The following GMEB1 variants were observed in gnomAD, a reference collection of about 807,000 sequenced individuals.
GMEB1 encodes glucocorticoid modulatory element binding protein 1.
A neutral mutation model predicts 52.4 loss-of-function variants in GMEB1; 6 were observed. The ratio of observed to expected loss-of-function variants is 0.11; its 90% CI spans 0.06 to 0.23. The LOEUF (loss-of-function observed/expected upper bound fraction) is 0.23, where lower values mean the gene tolerates loss of function less well. Ranked by LOEUF, GMEB1 falls within the 10% of genes least tolerant of loss-of-function variation. The pLI is 1.00. For missense variants in GMEB1, 486 were observed against 685.6 expected (o/e 0.71, Z 3.25); for synonymous variants, 255 against 244.9 (o/e 1.04, Z -0.38).
intron 2 of GMEB1, among the ~76,000 whole-genome samples, chr1:28,688,786 C>CCTATCT (rs1351853811): frequency 2.6e-5 from 4 of 151,696 alleles, no homozygotes; most frequent in Non-Finnish European, 5.9e-5. Context: ...CGTGGTTCTT[C>CCTATCT]CTATCTCAAA....
chr1:28,706,947 G>A (rs999010994), intron 8 of GMEB1, among the ~76,000 whole-genome samples: 2 of 145,302 alleles, frequency 1.4e-5, no homozygotes, highest in African/African-American at 2.6e-5. Flanking sequence ...GATTACAGGC[G>A]TGAGCCACCA....
Position 28,693,030 on chromosome 1 carries a change from G to C in GMEB1, c.425G>C (p.Gly142Ala). Residue 142 changes from glycine to alanine, a missense_variant, in exon 5 of 10, where the codon GGT (glycine) becomes GCT (alanine). By Grantham distance (60) the Gly-to-Ala change is moderately conservative. Transcript: ENST00000373816. The stretch of plus-strand genomic sequence containing the variant: ...GACTGGAAGAGAGCTATTCGTCTGG[G>C]TGGGATCATGCTCAGGTAAGCTCTA... ...LKDWKRAIRL[G>A]GIMLRKMMDS... 6.3e-7 allele frequency: 1 copy of C among 1,596,488 alleles called. No individual in the cohort carries two copies. Among genetic ancestry groups the C allele is most frequent in the Non-Finnish European group, 8.6e-7 (1 of 1,167,596 alleles).
At position 28,713,132 on chromosome 1, in the gene GMEB1, T is replaced by C. The variant is rs570370668; in HGVS notation, c.992-941T>C. On this transcript the variant is annotated intron_variant, in intron 9 of 9. Transcript: ENST00000373816. Reference sequence around the variant, plus strand: ...GAGATCGCACCACTGCACTCCAGCCTGGGCGACAGAGCGAGACTCCATCTC... The same window carrying C: ...GAGATCGCACCACTGCACTCCAGCCCGGGCGACAGAGCGAGACTCCATCTC... Among the ~76,000 whole-genome samples, 3 of 134,076 alleles carry C rather than the reference T, an allele frequency of 2.2e-5. No individual in the cohort carries two copies. The Admixed American group carries it at 2.6e-4, about 12-fold the overall frequency. The allele number at this position is 134,076 out of a possible 152,430, so 88.0% of individuals were successfully genotyped here. A position where few individuals can be genotyped will look rare whatever the true frequency, so the allele number is the denominator to read the frequency against.
intron 2 of GMEB1, among the ~76,000 whole-genome samples, chr1:28,689,109 C>T (rs1022428479): frequency 6.6e-6 from 1 of 151,888 alleles, no homozygotes; most frequent in South Asian, 2.1e-4. Flanking sequence ...AGGCTGGTGT[C>T]GAACTCCACA....
chr1:28,690,093 T>C lies in GMEB1; in HGVS notation c.129-11T>C. Reference sequence around the variant, plus strand: ...ATGTAGTTTGTTTATCGATGGACACTTTTACAACAGGATTTATGAAGCTGG... The same window carrying C: ...ATGTAGTTTGTTTATCGATGGACACCTTTACAACAGGATTTATGAAGCTGG... On this transcript the variant is annotated splice_polypyrimidine_tract_variant and intron_variant, in intron 2 of 9. Coordinates refer to ENST00000373816, the MANE Select transcript of GMEB1 (RefSeq NM_001319674.2). 1 of 1,594,086 alleles carries C rather than the reference T, an allele frequency of 6.3e-7. No individual in the cohort carries two copies. The highest frequency in any genetic ancestry group is 8.6e-7 in the Non-Finnish European group (1 of 1,167,404).
At chr1:28,698,580 C>T (rs980400740) in intron 6 of GMEB1, among the ~76,000 whole-genome samples, 12 of 150,078 alleles carry the variant, frequency 8.0e-5, no homozygotes, top group African/African-American at 2.9e-4. Context: ...GAGGCTGAAG[C>T]AGGAGAATGG....
intron 1 of GMEB1, among the ~76,000 whole-genome samples, chr1:28,676,416 A>T (rs1669152181): frequency 6.6e-6 from 1 of 152,160 alleles, no homozygotes; most frequent in African/African-American, 2.4e-5. Context: ...TGTTTCATTC[A>T]CAAAATTATT....
At chr1:28,676,113 TAA>T (rs1669141355) in intron 1 of GMEB1, among the ~76,000 whole-genome samples, 1 of 152,026 alleles carries the variant, frequency 6.6e-6, no homozygotes, top group Non-Finnish European at 1.5e-5. Context: ...ATGGTGTGGG[TAA>T]AGAGTAAAAT....
At chr1:28,709,145 A>AAG (rs760601157) in intron 8 of GMEB1, among the ~76,000 whole-genome samples, 2 of 151,292 alleles carry the variant, frequency 1.3e-5, no homozygotes, top group Non-Finnish European at 2.9e-5. Flanking sequence ...AAAAAAAAAA[A>AAG]AAAATACAAA....
rs1399256461 is a variant in GMEB1 at position 28,687,379 on chromosome 1, C to CAAAAAAAAAAAAAA, written c.129-2724_129-2723insAAAAAAAAAAAAAA. ...ACACACACACACACACACACACACA[C>CAAAAAAAAAAAAAA]ACACACACAAAAAAAGACAGTGGAG... is the stretch of plus-strand genomic sequence containing the variant. On this transcript the variant is annotated intron_variant, in intron 2 of 9. Coordinates refer to ENST00000373816, the MANE Select transcript of GMEB1 (RefSeq NM_001319674.2). Among the ~76,000 whole-genome samples, 13 of 16,372 alleles carry CAAAAAAAAAAAAAA rather than the reference C, an allele frequency of 7.9e-4. 3 individuals carry two copies. Among genetic ancestry groups the CAAAAAAAAAAAAAA allele is most frequent in the Admixed American group, 3.6e-3 (4 of 1,108 alleles). 10.7% of individuals were successfully genotyped at this position (16,372 alleles called of 152,430 possible).
At chr1:28,697,788 G>A (rs186853570) in intron 6 of GMEB1, among the ~76,000 whole-genome samples, 1 of 152,176 alleles carries the variant, frequency 6.6e-6, no homozygotes, top group African/African-American at 2.4e-5. Flanking sequence ...CAGGCTAGGC[G>A]TGGTGGCTGA....
At chr1:28,705,741 G>A (rs962715035) in intron 8 of GMEB1, among the ~76,000 whole-genome samples, 8 of 151,358 alleles carry the variant, frequency 5.3e-5, no homozygotes, top group African/African-American at 1.5e-4. Flanking sequence ...ATGAGCCACC[G>A]CGCCCAGCCG....
intron 1 of GMEB1, among the ~76,000 whole-genome samples, chr1:28,677,183 A>T (rs888758186): frequency 2.7e-5 from 4 of 148,740 alleles, no homozygotes; most frequent in Non-Finnish European, 4.5e-5. Flanking sequence ...TGCCAAAATT[A>T]AAAAAAAAAA....
intron 1 of GMEB1, among the ~76,000 whole-genome samples, chr1:28,673,876 C>G (rs183823979): frequency 1.5e-3 from 233 of 151,830 alleles, no homozygotes; most frequent in Middle Eastern, 3.4e-3. Context: ...TTAGGCCAGG[C>G]GTGGTGTCTC....
At chr1:28,683,474 C>T (rs1482953316) in intron 1 of GMEB1, 109 bp from the exon 2 acceptor site, 17 of 853,660 alleles carry the variant, frequency 2.0e-5, no homozygotes, top group Non-Finnish European at 2.3e-5. Flanking sequence ...ATCCGCCTGC[C>T]TAGCTAGGCC....
rs201524415 is a variant in GMEB1, at chr1:28,672,197, T to TTTTATTTATTTATTTA, written c.-31+3382_-31+3397dup. Among the ~76,000 whole-genome samples the TTTTATTTATTTATTTA allele has an allele frequency of 4.1e-4, 56 of 136,078 alleles. 1 individual carries two copies. Among genetic ancestry groups the TTTTATTTATTTATTTA allele is most frequent in the African/African-American group, 5.8e-4 (21 of 36,122 alleles). 89.3% of individuals were successfully genotyped at this position (136,078 alleles called of 152,430 possible). Reference sequence around the variant, plus strand: ...TTTTACTTTTTTTTTTAACTTTTATTTTTATTTATTTATTTATTTATTTAT... The same window carrying TTTTATTTATTTATTTA: ...TTTTACTTTTTTTTTTAACTTTTATTTTTATTTATTTATTTATTTATTTATTTATTTATTTATTTAT... On this transcript the variant is annotated intron_variant, in intron 1 of 9. Transcript: ENST00000373816.
At chr1:28,671,613 A>G (rs1668887233) in intron 1 of GMEB1, among the ~76,000 whole-genome samples, 1 of 151,312 alleles carries the variant, frequency 6.6e-6, no homozygotes, top group African/African-American at 2.4e-5. Flanking sequence ...TGGTGGAGCT[A>G]GTTGCCTGTG....
rs758403105 is a variant in GMEB1, at chr1:28,690,117, G to A, written c.142G>A (p.Gly48Arg). Reference protein sequence around the residue: ...QPVQQGIYEAGSENNTAVVAV... With the variant: ...QPVQQGIYEARSENNTAVVAV... ...CTTTTACAACAGGATTTATGAAGCT[G>A]GGTCGGAGAACAACACGGCAGTTGT... The change falls in exon 3 of 10, where the codon GGG becomes AGG. Residue 48 changes from glycine (G) to arginine (R), a missense_variant. Around this residue, in one of 5 missense-constraint regions of GMEB1, gnomAD observed 88 missense variants for 96.5 expected, o/e 0.91. Transcript: ENST00000373816. 1.2e-6 allele frequency: 2 copies of A among 1,603,932 alleles called. No homozygotes were observed. Among genetic ancestry groups the A allele is most frequent in the Non-Finnish European group, 8.5e-7 (1 of 1,174,640 alleles).
intron 7 of GMEB1, among the ~76,000 whole-genome samples, chr1:28,703,127 G>A (rs1361897848): frequency 6.6e-6 from 1 of 152,152 alleles, no homozygotes; most frequent in Non-Finnish European, 1.5e-5. Context: ...TGACTATGTA[G>A]TCTATGCTTT....
Sources: gnomAD v4.1 joint callset for allele counts (sites outside exome capture counted in the v4.1 genomes callset) on GRCh38, gnomAD v4.1.1 for gene constraint, gnomAD v4.1.1 regional missense constraint, MANE v1.5 for transcripts, NCBI Gene and HGNC (gene_info 2026-07-23, HGNC 2026-07-21) for gene names.